Variants in DOCK8 observed in about 807,000 individuals in gnomAD.
DOCK8 encodes the protein dedicator of cytokinesis 8.
Under a neutral mutation model 245.6 loss-of-function variants are expected in DOCK8, and 141 were observed. That is an observed-to-expected ratio of 0.57 (90% CI 0.50 to 0.66). DOCK8 has a LOEUF of 0.66. Ranked by LOEUF, DOCK8 falls within the 30% of genes least tolerant of loss-of-function variation. The probability of loss-of-function intolerance (pLI) is 0.00; values close to 1 mark genes in which losing one functional copy is unlikely to be tolerated. For missense variants in DOCK8, 2,965 were observed against 2,603.4 expected (o/e 1.14, Z -3.02); for synonymous variants, 1,168 against 970.2 (o/e 1.20, Z -3.79).
intron 23 of DOCK8, among the ~76,000 whole-genome samples, chr9:390,236 T>C (rs982063552): frequency 6.6e-6 from 1 of 152,170 alleles, no homozygotes; most frequent in African/African-American, 2.4e-5. Flanking sequence ...CTCCCTCAGA[T>C]GTGTCTGTCC....
chr9:353,694 A>T (rs145780275), intron 14 of DOCK8, among the ~76,000 whole-genome samples: 18 of 152,312 alleles, frequency 1.2e-4, no homozygotes, highest in Non-Finnish European at 2.2e-4. Context: ...AGAAAAATAC[A>T]GCATAGTCCA....
At chr9:243,865 ACTC>A (rs1423710302) in intron 1 of DOCK8, among the ~76,000 whole-genome samples, 2 of 151,048 alleles carry the variant, frequency 1.3e-5, no homozygotes, top group African/African-American at 4.9e-5. Flanking sequence ...GGTGCCTACT[ACTC>A]CTCATCTTAT....
In DOCK8 at chr9:464,370, T is replaced by C. The variant is rs1436252749; in HGVS notation, c.*151T>C. 1.1e-5 allele frequency: 8 copies of C among 761,854 alleles called. No individual in the cohort carries two copies. Among genetic ancestry groups the C allele is most frequent in the Admixed American group, 2.0e-5 (1 of 49,522 alleles). The allele number at this position is 761,854 out of a possible 1,614,324, so 47.2% of individuals were successfully genotyped here. ...GGAAGCTTTGGGATCCCAGGAACCA[T>C]GGAATTATTCCCAAATGGACTCTGA... is the stretch of plus-strand genomic sequence containing the variant. On this transcript the variant is annotated 3_prime_UTR_variant, in exon 48 of 48. Coordinates refer to ENST00000432829, the MANE Select transcript of DOCK8 (RefSeq NM_203447.4).
chr9:275,158 G>C (rs910956515), intron 2 of DOCK8, among the ~76,000 whole-genome samples: 7 of 152,268 alleles, frequency 4.6e-5, no homozygotes, highest in African/African-American at 1.7e-4. Context: ...GTCCCTAGTA[G>C]GGAATATAGA....
At chr9:385,074 G>C (rs950582394) in intron 22 of DOCK8, among the ~76,000 whole-genome samples, 2 of 152,142 alleles carry the variant, frequency 1.3e-5, no homozygotes, top group Non-Finnish European at 1.5e-5. Flanking sequence ...GCTCATACCT[G>C]TTCCCAAAAG....
At chr9:438,552 A>T (rs1210942935) in intron 39 of DOCK8, among the ~76,000 whole-genome samples, 1 of 152,210 alleles carries the variant, frequency 6.6e-6, no homozygotes, top group Non-Finnish European at 1.5e-5. Context: ...CGGGTACAAG[A>T]TCAGTACTTC....
chr9:267,258 G>A (rs532614687), intron 1 of DOCK8, among the ~76,000 whole-genome samples: 1 of 152,222 alleles, frequency 6.6e-6, no homozygotes, highest in Non-Finnish European at 1.5e-5. Flanking sequence ...AAGCTGGAGT[G>A]CAGCAGGCAT....
chr9:399,267 TC>T lies in DOCK8; in HGVS notation c.3234+15del, dbSNP rs375864618. ...AGACATTATTGCAGCCAGGTGAGTGTCCCCCCCACCCCCACCCCCGAGCGAG... is the reference window on the plus strand; with the variant it reads ...AGACATTATTGCAGCCAGGTGAGTGTCCCCCCACCCCCACCCCCGAGCGAG... On this transcript the variant is annotated intron_variant, in intron 26 of 47. Coordinates refer to ENST00000432829, the MANE Select transcript of DOCK8 (RefSeq NM_203447.4). 1.2e-3 allele frequency: 1,827 copies of T among 1,534,994 alleles called. 19 individuals carry two copies. In the African/African-American group the frequency reaches 0.032, roughly 27 times the overall value.
chr9:392,831 G>A (rs528256323), intron 24 of DOCK8, among the ~76,000 whole-genome samples: 8 of 151,940 alleles, frequency 5.3e-5, no homozygotes, highest in African/African-American at 9.7e-5. Context: ...TATCAAAACC[G>A]TCACCCCATG....
chr9:309,573 T>C (rs1203140441), intron 5 of DOCK8, among the ~76,000 whole-genome samples: 1 of 152,312 alleles, frequency 6.6e-6, no homozygotes, highest in African/African-American at 2.4e-5. Context: ...ACAAAGACAT[T>C]CCTAATGGAA....
intron 8 of DOCK8, 100 bp from the exon 9 acceptor site, chr9:327,922 T>G (rs990994987): frequency 8.7e-7 from 1 of 1,150,608 alleles, no homozygotes; most frequent in East Asian, 2.4e-5. Context: ...ACTTACTCCT[T>G]CAGCAAAATT....
In DOCK8 at chr9:464,429, G is replaced by T; in HGVS notation, c.*210G>T. Reference sequence around the variant, plus strand: ...TTGCCATACTGGGGGGTGGCGGGATGGAGGATGGGTACTCAGGCATGACTG... The same window carrying T: ...TTGCCATACTGGGGGGTGGCGGGATTGAGGATGGGTACTCAGGCATGACTG... On this transcript the variant is annotated 3_prime_UTR_variant, in exon 48 of 48. Coordinates refer to ENST00000432829, the MANE Select transcript of DOCK8 (RefSeq NM_203447.4). 1.6e-6 allele frequency: 1 copy of T among 633,106 alleles called. No homozygotes were observed. The highest frequency in any genetic ancestry group is 2.8e-6 in the Non-Finnish European group (1 of 353,620). The allele number at this position is 633,106 out of a possible 1,614,324, so 39.2% of individuals were successfully genotyped here.
rs566018290 is a variant in DOCK8 at position 282,107 on chromosome 9, C to T, written c.157-4354C>T. 2.8e-4 allele frequency among the ~76,000 whole-genome samples: 42 copies of T among 152,278 alleles called. No homozygotes were observed. In the Middle Eastern group the frequency reaches 0.01, roughly 37 times the overall value. ...ATATATGTTCTTTATCAAATTCCCC[C>T]CACCAAATAATGGCATTATTTACGT... is the stretch of plus-strand genomic sequence containing the variant. On this transcript the variant is annotated intron_variant, in intron 2 of 47. Transcript: ENST00000432829.
intron 6 of DOCK8, among the ~76,000 whole-genome samples, chr9:313,589 G>C (rs1372485296): frequency 6.6e-6 from 1 of 152,184 alleles, no homozygotes; most frequent in Admixed American, 6.5e-5. Flanking sequence ...GAGTAGAAAG[G>C]TGGTTATAGC....
At chr9:271,520 C>T in intron 1 of DOCK8, 107 bp from the exon 2 acceptor site, 2 of 886,116 alleles carry the variant, frequency 2.3e-6, no homozygotes, top group South Asian at 2.9e-5. Context: ...CTGCTCATTG[C>T]CCAGCCAAGG....
intron 24 of DOCK8, among the ~76,000 whole-genome samples, chr9:391,127 C>A (rs1056652768): frequency 3.8e-4 from 58 of 152,292 alleles, no homozygotes; most frequent in African/African-American, 1.4e-3. Flanking sequence ...ACAGCCTTTT[C>A]CAGATTCTCT....
intron 1 of DOCK8, among the ~76,000 whole-genome samples, chr9:240,926 A>G (rs2047360985): frequency 6.6e-6 from 1 of 151,586 alleles, no homozygotes; most frequent in Admixed American, 6.6e-5. Flanking sequence ...GGAAATTACC[A>G]TACACATGTT....
chr9:253,057 A>C (rs2047687801), intron 1 of DOCK8, among the ~76,000 whole-genome samples: 1 of 151,796 alleles, frequency 6.6e-6, no homozygotes, highest in Non-Finnish European at 1.5e-5. Flanking sequence ...TTCTTTTTAC[A>C]CTCCATCCCT....
intron 4 of DOCK8, among the ~76,000 whole-genome samples, chr9:303,972 T>G (rs2049684299): frequency 6.6e-6 from 1 of 152,218 alleles, no homozygotes; most frequent in Admixed American, 6.5e-5. Flanking sequence ...TGTTTTACCT[T>G]TCTTATGATG....
Sources: gnomAD v4.1 joint callset for allele counts (sites outside exome capture counted in the v4.1 genomes callset) on GRCh38, gnomAD v4.1.1 for gene constraint, MANE v1.5 for transcripts, NCBI Gene and HGNC (gene_info 2026-07-23, HGNC 2026-07-21) for gene names.